PIP5K1A: variants seen among roughly 807,000 people sequenced by gnomAD.
PIP5K1A encodes the protein phosphatidylinositol-4-phosphate 5-kinase type 1 alpha, also known as phosphatidylinositol 4-phosphate 5-kinase type-1 alpha.
PIP5K1A carries 46 observed loss-of-function variants against 72.9 expected under a neutral mutation model. The ratio of observed to expected loss-of-function variants is 0.63; its 90% confidence interval spans 0.50 to 0.81. The LOEUF (loss-of-function observed/expected upper bound fraction) is 0.81. Ranked by LOEUF, PIP5K1A falls within the 30% of genes least tolerant of loss-of-function variation. The pLI, the probability that PIP5K1A is intolerant of heterozygous loss-of-function variation, is 0.00. For missense variants in PIP5K1A, 458 were observed against 706.1 expected, an observed-to-expected ratio of 0.65 and a Z score of 3.98; for synonymous variants, 228 against 255.1, an observed-to-expected ratio of 0.89 and a Z score of 1.01.
chr1:151,239,235 A>T, intron 11 of PIP5K1A, 57 bp downstream of exon 11: 7 of 1,060,016 alleles, frequency 6.6e-6, no homozygotes, highest in Non-Finnish European at 9.9e-6. Flanking sequence ...ATCACTTCTG[A>T]TTGGCCTCAG....
chr1:151,240,122 G>A (rs1040658218), intron 12 of PIP5K1A, 83 bp downstream of exon 12: 15 of 938,750 alleles, frequency 1.6e-5, no homozygotes, highest in Admixed American at 1.2e-4. Context: ...GACACCTCTG[G>A]TAGGGAGCTG....
chr1:151,201,391 C>T (rs898116550), intron 1 of PIP5K1A, among the ~76,000 whole-genome samples: 1 of 151,730 alleles, frequency 6.6e-6, no homozygotes, highest in Non-Finnish European at 1.5e-5. Flanking sequence ...ATTCTGTCAC[C>T]CAGGCTGGAG....
chr1:151,198,987 GGCT>G lies in PIP5K1A; in HGVS notation c.-6_-4del, dbSNP rs1176541941. On this transcript the variant is annotated 5_prime_UTR_variant, in exon 1 of 16. Transcript: ENST00000368888. ...AGAGCCAGGCCGCTGAGGGGGAGGG[GGCT>G]GCTAAGATGGCGTCGGCCTCCTCCG... 1 of 1,613,464 alleles carries G rather than the reference GGCT, an allele frequency of 6.2e-7. No homozygotes were observed. The highest frequency in any genetic ancestry group is 2.2e-5 in the East Asian group (1 of 44,878).
At chr1:151,231,851 A>C (rs1039111109) in intron 5 of PIP5K1A, 50 bp downstream of exon 5, 3 of 1,597,094 alleles carry the variant, frequency 1.9e-6, no homozygotes, top group East Asian at 2.2e-5. Context: ...GGCCTTTTCA[A>C]ATCAGCCCAG....
At chr1:151,211,250 G>C (rs1686751930) in intron 1 of PIP5K1A, among the ~76,000 whole-genome samples, 1 of 152,166 alleles carries the variant, frequency 6.6e-6, no homozygotes, top group South Asian at 2.1e-4. Flanking sequence ...ACTTTGGGGG[G>C]CTGAGGCAGG....
intron 10 of PIP5K1A, chr1:151,238,672 G>A (rs1181349433): frequency 4.1e-6 from 1 of 241,490 alleles, no homozygotes; most frequent in Non-Finnish European, 8.1e-6. Context: ...ATTAGACTGT[G>A]GAACTAAGAG....
chr1:151,216,355 A>G (rs1013147310), intron 1 of PIP5K1A, among the ~76,000 whole-genome samples: 13 of 151,954 alleles, frequency 8.6e-5, no homozygotes, highest in Admixed American at 2.6e-4. Flanking sequence ...TCTCAAAAAA[A>G]AAAAAAAAAA....
At chr1:151,220,448 G>A (rs1301837946) in intron 1 of PIP5K1A, among the ~76,000 whole-genome samples, 1 of 151,408 alleles carries the variant, frequency 6.6e-6, no homozygotes, top group Non-Finnish European at 1.5e-5. Flanking sequence ...ATAGTATAAT[G>A]AACCTCCATA....
chr1:151,205,320 C>G (rs587598765), intron 1 of PIP5K1A, among the ~76,000 whole-genome samples: 1 of 152,130 alleles, frequency 6.6e-6, no homozygotes, highest in Non-Finnish European at 1.5e-5. Context: ...GGATCACAGG[C>G]GTGCGCCACC....
chr1:151,224,764 C>T (rs1016605757), intron 3 of PIP5K1A, among the ~76,000 whole-genome samples: 4 of 152,160 alleles, frequency 2.6e-5, no homozygotes, highest in African/African-American at 9.7e-5. Flanking sequence ...AACTTTTAGC[C>T]ATGCAGAAGC....
chr1:151,213,511 CTTT>C (rs1687150611), intron 1 of PIP5K1A: 1 of 151,992 alleles, frequency 6.6e-6, no homozygotes, highest in Admixed American at 6.6e-5. Flanking sequence ...GTATGGTTCC[CTTT>C]TTAAGAGAGA....
At chr1:151,246,367 T>A (rs146389145) in intron 14 of PIP5K1A, among the ~76,000 whole-genome samples, 1 of 152,168 alleles carries the variant, frequency 6.6e-6, no homozygotes, top group African/African-American at 2.4e-5. Context: ...GAAGATCAGC[T>A]TCTCAGCTCA....
At chr1:151,195,557 A>G (rs930092582), upstream of PIP5K1A, among the ~76,000 whole-genome samples, 1 of 152,128 alleles carries the variant, frequency 6.6e-6, no homozygotes, top group Non-Finnish European at 1.5e-5. Flanking sequence ...GAAATTAAAA[A>G]TAAAAATAGT....
intron 1 of PIP5K1A, among the ~76,000 whole-genome samples, chr1:151,220,315 A>C (rs1688237884): frequency 6.6e-6 from 1 of 151,304 alleles, no homozygotes; most frequent in Admixed American, 6.6e-5. Flanking sequence ...GCCTGTCTCT[A>C]TTTTAAAAAA....
chr1:151,247,983 A>G lies in PIP5K1A; in HGVS notation c.*118A>G. ...ACTTGGTCATCAAAAAAGGAGTGTA[A>G]TAGAAGTGAGGGGAGCTGCTCCTCC... is the stretch of plus-strand genomic sequence containing the variant. On this transcript the variant is annotated 3_prime_UTR_variant, in exon 16 of 16. Transcript: ENST00000368888. 1 of 894,690 alleles carries G rather than the reference A, an allele frequency of 1.1e-6. No homozygotes were observed. The highest frequency in any genetic ancestry group is 1.3e-5 in the South Asian group (1 of 74,608). 55.4% of individuals were successfully genotyped at this position (894,690 alleles called of 1,614,324 possible). A position where few individuals can be genotyped will look rare whatever the true frequency, so the allele number is the denominator to read the frequency against.
rs192789140 is a variant in PIP5K1A, at chr1:151,222,997, C to T, written c.86-1248C>T. On this transcript the variant is annotated intron_variant, in intron 1 of 15. Transcript: ENST00000368888. ...TTGGGAGGCCAAGGCAGGTGGATCA[C>T]GAGGTCAGGAGTTAAGACCAGCCCA... Among the ~76,000 whole-genome samples, 385 of 151,402 alleles carry T rather than the reference C, an allele frequency of 2.5e-3. 2 individuals carry two copies. The highest frequency in any genetic ancestry group is 4.0e-3 in the Non-Finnish European group (268 of 67,790).
At chr1:151,236,827 T>TTC (rs1480582706) in intron 9 of PIP5K1A, 64 bp downstream of exon 9, 3 of 1,048,836 alleles carry the variant, frequency 2.9e-6, no homozygotes, top group Non-Finnish European at 2.7e-6. Flanking sequence ...TTTTCTTTTT[T>TTC]TTTTTTTTTT....
chr1:151,214,594 T>C (rs1455816119), intron 1 of PIP5K1A, among the ~76,000 whole-genome samples: 1 of 152,178 alleles, frequency 6.6e-6, no homozygotes, highest in South Asian at 2.1e-4. Context: ...TTGGTCAGGC[T>C]GGTCTCGAAC....
At position 151,209,589 on chromosome 1, in the gene PIP5K1A, G is replaced by A. The variant is rs147007795; in HGVS notation, c.85+10508G>A. 7.3e-3 allele frequency among the ~76,000 whole-genome samples: 1,106 copies of A among 152,140 alleles called. 13 individuals carry two copies. Among genetic ancestry groups the A allele is most frequent in the African/African-American group, 0.025 (1,029 of 41,488 alleles). ...TGAGTAGCTGGGATTACAGGTATGC[G>A]CCACCATACCTGGCTAATTTTGTAT... On this transcript the variant is annotated intron_variant, in intron 1 of 15. Coordinates refer to ENST00000368888, the MANE Select transcript of PIP5K1A (RefSeq NM_001135638.2).
Sources: gnomAD v4.1 joint callset for allele counts (sites outside exome capture counted in the v4.1 genomes callset) on GRCh38, gnomAD v4.1.1 for gene constraint, MANE v1.5 for transcripts, NCBI Gene and HGNC (gene_info 2026-07-23, HGNC 2026-07-21) for gene names.